Variants in ACVRL1 observed in about 807,000 individuals in gnomAD.
ACVRL1 encodes activin A receptor like type 1, also known as activin receptor type-1-like.
Under a neutral mutation model 51.9 loss-of-function variants are expected in ACVRL1, and 20 were observed. The observed-to-expected ratio is 0.39, with a 90% CI of 0.27 to 0.56. ACVRL1 has a LOEUF of 0.56. Among genes scored for constraint, ACVRL1 ranks in the 20% least tolerant of loss-of-function variants. The pLI is 0.67. For missense variants in ACVRL1, 451 were observed against 670.3 expected (o/e 0.67, Z 3.61); for synonymous variants, 288 against 280.9 (o/e 1.03, Z -0.25).
chr12:51,920,649 T>C (rs1263156949), intron 9 of ACVRL1, 110 bp from the exon 10 acceptor site: 5 of 1,259,168 alleles, frequency 4.0e-6, no homozygotes. Context: ...CCTCATCTTC[T>C]TCCCATCTTC....
intron 6 of ACVRL1, 48 bp from the exon 7 acceptor site, chr12:51,915,177 C>T (rs761701725): frequency 8.7e-6 from 14 of 1,612,432 alleles, no homozygotes; most frequent in South Asian, 3.3e-5. Flanking sequence ...CTCCAGCCTC[C>T]CTTAGCCCCA....
intron 1 of ACVRL1, among the ~76,000 whole-genome samples, chr12:51,910,926 A>G (rs1482566668): frequency 6.6e-6 from 1 of 152,216 alleles, no homozygotes; most frequent in East Asian, 1.9e-4. Flanking sequence ...CCAGCCAGAG[A>G]GGCCTATGAA....
chr12:51,908,993 G>C (rs115949678), intron 1 of ACVRL1, among the ~76,000 whole-genome samples: 1,604 of 152,208 alleles, frequency 0.011, 26 homozygotes, highest in African/African-American at 0.037. Context: ...TGGATGAATC[G>C]TAAGGGCAAC....
rs1940756977 is a variant in ACVRL1, at chr12:51,913,743, A to G, written c.498A>G (p.Ala166=). 2 of 1,612,050 alleles carry G rather than the reference A, an allele frequency of 1.2e-6. No homozygotes were observed. The highest frequency in any genetic ancestry group is 2.7e-5 in the African/African-American group (2 of 74,924). The part of the protein sequence containing the change: ...ELGESSLILK[A]SEQGDSMLGD... ...GAGAGTCCAGTCTCATCCTGAAAGC[A>G]TCTGAGCAGGGCGACAGCATGTTGG... is the stretch of plus-strand genomic sequence containing the variant. Residue 166 remains alanine, a synonymous_variant, in exon 4 of 10, where the codon GCA becomes GCG. Transcript: ENST00000388922.
chr12:51,919,960 G>A (rs1429041656), intron 9 of ACVRL1, among the ~76,000 whole-genome samples: 1 of 152,118 alleles, frequency 6.6e-6, no homozygotes, highest in African/African-American at 2.4e-5. Flanking sequence ...CACAATAGGT[G>A]CTAATAAATA....
rs750708220 is a variant in ACVRL1, at chr12:51,914,423, C to T, written c.626-16C>T. 15 of 1,614,034 alleles carry T rather than the reference C, an allele frequency of 9.3e-6. No individual in the cohort carries two copies. The African/African-American group carries it at 1.5e-4, about 16-fold the overall frequency. ...GTGCCCAGTGTGTAACCCTCACCTT[C>T]CCCTCTGGCCATCAGGAAAAGGCCG... On this transcript the variant is annotated splice_polypyrimidine_tract_variant and intron_variant, in intron 5 of 9. Transcript: ENST00000388922.
chr12:51,910,949 C>A (rs185997581), intron 1 of ACVRL1, among the ~76,000 whole-genome samples: 3 of 152,364 alleles, frequency 2.0e-5, no homozygotes, highest in Admixed American at 2.0e-4. Flanking sequence ...CCCCCTACCC[C>A]ACCCCTAGCC....
At chr12:51,920,506 T>C (rs1181776918) in intron 9 of ACVRL1, among the ~76,000 whole-genome samples, 1 of 148,166 alleles carries the variant, frequency 6.7e-6, no homozygotes, top group Non-Finnish European at 1.5e-5. Context: ...TCCTCTTCCA[T>C]TTTTTATTTT....
chr12:51,920,628 C>T lies in ACVRL1; in HGVS notation c.1378-131C>T, dbSNP rs534831877. ...CTCTCCTGCTTATGTCTCCCCATTA[C>T]CGGCCATCCTCCTCATCTTCTTCCC... On this transcript the variant is annotated intron_variant, in intron 9 of 9. Coordinates refer to ENST00000388922, the MANE Select transcript of ACVRL1 (RefSeq NM_000020.3). The T allele has an allele frequency of 3.1e-5, 31 of 1,002,410 alleles. No homozygotes were observed. Among genetic ancestry groups the T allele is most frequent in the Non-Finnish European group, 4.7e-5 (31 of 658,494 alleles). The allele number at this position is 1,002,410 out of a possible 1,614,324, so 62.1% of individuals were successfully genotyped here.
In ACVRL1 at chr12:51,914,561, T is replaced by C. The variant is rs901805624; in HGVS notation, c.748T>C (p.Leu250=). 7.4e-6 allele frequency: 12 copies of C among 1,613,534 alleles called. No homozygotes were observed. Among genetic ancestry groups the C allele is most frequent in the Non-Finnish European group, 1.0e-5 (12 of 1,179,768 alleles). Residue 250 remains leucine, a synonymous_variant, in exon 6 of 10, where the codon TTG becomes CTG. Transcript: ENST00000388922. ...FRETEIYNTV[L]LRHDNILGFI... ...GGAGACTGAGATCTATAACACAGTG[T>C]TGCTCAGACACGACAACATCCTAGG...
At position 51,913,334 on chromosome 12, in the gene ACVRL1, GT is replaced by G; in HGVS notation, c.298del (p.Ser100ProfsTer22). The G allele has an allele frequency of 6.2e-7, 1 of 1,612,344 alleles. No homozygotes were observed. The highest frequency in any genetic ancestry group is 8.5e-7 in the Non-Finnish European group (1 of 1,179,610). ...ACAGCCACCTCTGCAACCACAACGT[GT>G]CCCTGGTGCTGGAGGGTACGTCCAG... is the stretch of plus-strand genomic sequence containing the variant. ...CDSHLCNHNV[S>X]LVLEATQPPS... On this transcript the variant is annotated frameshift_variant, in exon 3 of 10. Coordinates refer to ENST00000388922, the MANE Select transcript of ACVRL1 (RefSeq NM_000020.3). LOFTEE classifies it high-confidence loss of function.
At chr12:51,916,318 C>T in intron 8 of ACVRL1, 85 bp downstream of exon 8, 1 of 1,474,364 alleles carries the variant, frequency 6.8e-7, no homozygotes, top group Non-Finnish European at 9.2e-7. Flanking sequence ...TGCCCATGGC[C>T]TGGGAGGTTT....
At position 51,921,357 on chromosome 12, in the gene ACVRL1, G is replaced by C. The variant is rs1375112568; in HGVS notation, c.*464G>C. 1 of 242,996 alleles carries C rather than the reference G, an allele frequency of 4.1e-6. No individual in the cohort carries two copies. The highest frequency in any genetic ancestry group is 2.2e-5 in the African/African-American group (1 of 45,024). 15.1% of individuals were successfully genotyped at this position (242,996 alleles called of 1,614,324 possible). A position where few individuals can be genotyped will look rare whatever the true frequency, so the allele number is the denominator to read the frequency against. ...CTTCCCTGCCAGGCCTCAGCCTCTAGCATAAGCTCCAGAGAGCCAGGGCCC... is the reference window on the plus strand; with the variant it reads ...CTTCCCTGCCAGGCCTCAGCCTCTACCATAAGCTCCAGAGAGCCAGGGCCC... On this transcript the variant is annotated 3_prime_UTR_variant, in exon 10 of 10. Transcript: ENST00000388922.
At position 51,917,221 on chromosome 12, in the gene ACVRL1, T is replaced by C. The variant is rs1940862461; in HGVS notation, c.1246+988T>C. Among the ~76,000 whole-genome samples the C allele has an allele frequency of 6.6e-6, 1 of 152,206 alleles. No individual in the cohort carries two copies. Among genetic ancestry groups the C allele is most frequent in the Non-Finnish European group, 1.5e-5 (1 of 68,038 alleles). On this transcript the variant is annotated intron_variant, in intron 8 of 9. Coordinates refer to ENST00000388922, the MANE Select transcript of ACVRL1 (RefSeq NM_000020.3). This position sits in a 1 kb window ranked among gnomAD's most constrained non-coding sequence, Gnocchi z 4.2. The stretch of plus-strand genomic sequence containing the variant: ...ACCGGGCAGTCTGCCCCGGGGCCAG[T>C]GCTCATCATCACTGTGTGCACTTAA...
Position 51,917,022 on chromosome 12 carries a change from A to G in ACVRL1, c.1246+789A>G, listed in dbSNP as rs1196165739. 6.6e-6 allele frequency among the ~76,000 whole-genome samples: 1 copy of G among 152,256 alleles called. No individual in the cohort carries two copies. The highest frequency in any genetic ancestry group is 1.5e-5 in the Non-Finnish European group (1 of 68,038). ...AAATAAATAAAATGAGAATAAAAAT[A>G]GCTTCCAGTTGTTGAGATAATCTAA... On this transcript the variant is annotated intron_variant, in intron 8 of 9. Transcript: ENST00000388922. The surrounding 1 kb of genome is among the most constrained non-coding windows in gnomAD (Gnocchi z 4.2).
rs950943366 is a variant in ACVRL1 at position 51,917,271 on chromosome 12, A to C, written c.1246+1038A>C. ...AACCTCTCTGGCCCTTGATTTCCTC[A>C]TGCACGCAATGCATGTGAGTGCCTG... is the stretch of plus-strand genomic sequence containing the variant. On this transcript the variant is annotated intron_variant, in intron 8 of 9. Transcript: ENST00000388922. The surrounding 1 kb of genome is among the most constrained non-coding windows in gnomAD (Gnocchi z 4.2). 6.6e-6 allele frequency among the ~76,000 whole-genome samples: 1 copy of C among 152,196 alleles called. No homozygotes were observed. Among genetic ancestry groups the C allele is most frequent in the Non-Finnish European group, 1.5e-5 (1 of 68,038 alleles).
intron 1 of ACVRL1, among the ~76,000 whole-genome samples, chr12:51,908,259 C>G (rs370049946): frequency 2.0e-5 from 3 of 152,232 alleles, no homozygotes; most frequent in Admixed American, 6.5e-5. Flanking sequence ...AGTCTCCCCC[C>G]AGGCTGGGAC....
Position 51,915,370 on chromosome 12 carries a change from G to A in ACVRL1, c.918G>A (p.Ala306=). 6.2e-7 allele frequency: 1 copy of A among 1,614,066 alleles called. No individual in the cohort carries two copies. Among genetic ancestry groups the A allele is most frequent in the Non-Finnish European group, 8.5e-7 (1 of 1,180,052 alleles). Reference sequence around the variant, plus strand: ...TGGCTCTGAGGCTAGCTGTGTCCGCGGCATGCGGCCTGGCGCACCTGCACG... The same window carrying A: ...TGGCTCTGAGGCTAGCTGTGTCCGCAGCATGCGGCCTGGCGCACCTGCACG... ...PHLALRLAVS[A]ACGLAHLHVE... Residue 306 remains alanine (A), a synonymous_variant, in exon 7 of 10, where the codon GCG becomes GCA. Transcript: ENST00000388922.
chr12:51,913,368 A>C lies in ACVRL1; in HGVS notation c.313+18A>C, dbSNP rs1407669794. 3.7e-6 allele frequency: 6 copies of C among 1,608,604 alleles called. No individual in the cohort carries two copies. Among genetic ancestry groups the C allele is most frequent in the South Asian group, 1.1e-5 (1 of 90,248 alleles). On this transcript the variant is annotated intron_variant, in intron 3 of 9. Coordinates refer to ENST00000388922, the MANE Select transcript of ACVRL1 (RefSeq NM_000020.3). ...GCTGGAGGGTACGTCCAGCTGCCCTAGCACTCCCTCCCCATCTTCTTGGCC... is the reference window on the plus strand; with the variant it reads ...GCTGGAGGGTACGTCCAGCTGCCCTCGCACTCCCTCCCCATCTTCTTGGCC...
Sources: allele counts gnomAD v4.1 joint callset (sites outside exome capture counted in the v4.1 genomes callset), GRCh38; gene constraint gnomAD v4.1.1; non-coding constraint Gnocchi (gnomAD v3.1); transcripts MANE v1.5; gene names NCBI Gene and HGNC (gene_info 2026-07-23, HGNC 2026-07-21).